Variants in CLCN2 observed in about 807,000 individuals in gnomAD.
The protein encoded by CLCN2 is chloride channel protein 2.
In CLCN2, 72 loss-of-function variants were observed where a neutral mutation model predicts 108.3. The observed-to-expected ratio is 0.66, with a 90% CI of 0.55 to 0.81. The LOEUF (loss-of-function observed/expected upper bound fraction) is 0.81. Among genes scored for constraint, CLCN2 ranks in the 30% least tolerant of loss-of-function variants. CLCN2 has a pLI of 0.00. For synonymous variants in CLCN2, 471 were observed against 467.1 expected, an observed-to-expected ratio of 1.01 and a Z score of -0.11; for missense variants, 1,048 against 1,205.2, an observed-to-expected ratio of 0.87 and a Z score of 1.93.
chr3:184,358,352 A>G, intron 3 of CLCN2, 42 bp from the exon 4 acceptor site: 1 of 1,612,180 alleles, frequency 6.2e-7, no homozygotes, highest in Non-Finnish European at 8.5e-7. Context: ...GCACACACCC[A>G]CTGCCTGCCT....
intron 15 of CLCN2, 113 bp downstream of exon 15, chr3:184,353,988 G>T (rs1728334804): frequency 7.4e-7 from 1 of 1,359,420 alleles, no homozygotes; most frequent in Non-Finnish European, 1.0e-6. Flanking sequence ...GGACGAAGGT[G>T]GCTCATCTCC....
In CLCN2 at chr3:184,353,710, C is replaced by A; in HGVS notation, c.1807G>T (p.Ala603Ser). The stretch of plus-strand genomic sequence containing the variant: ...ATTCGGCCCTTGGTCCTGTGCAGTG[C>A]CAAACGCAGGTCCCGGAAGGTGCAG... ...LSCTFRDLRL[A>S]LHRTKGRMLA... Residue 603 changes from alanine to serine, a missense_variant, in exon 16 of 24, where the codon GCA becomes TCA. Transcript: ENST00000265593. 1 of 1,611,112 alleles carries A rather than the reference C, an allele frequency of 6.2e-7. No individual in the cohort carries two copies. The highest frequency in any genetic ancestry group is 1.7e-5 in the Admixed American group (1 of 59,724).
chr3:184,359,115 G>T lies in CLCN2; in HGVS notation c.80C>A (p.Thr27Asn). Residue 27 changes from threonine (T) to asparagine (N), a missense_variant, in exon 2 of 24, where the codon ACT (threonine) becomes AAT (asparagine). Thr to Asn is a moderately conservative substitution (Grantham distance 65). Coordinates refer to ENST00000265593, the MANE Select transcript of CLCN2 (RefSeq NM_004366.6). Reference sequence around the variant, plus strand: ...TTTGGCAAAGGCCCCAAGGTCCTGAGTGTACCGGCCATACATCTGGAGCAA... The same window carrying T: ...TTTGGCAAAGGCCCCAAGGTCCTGATTGTACCGGCCATACATCTGGAGCAA... ...YEQTLMYGRY[T>N]QDLGAFAKEE... 1 of 1,613,762 alleles carries T rather than the reference G, an allele frequency of 6.2e-7. No individual in the cohort carries two copies.
chr3:184,356,225 G>A (rs1728534392), intron 10 of CLCN2: 1 of 254,568 alleles, frequency 3.9e-6, no homozygotes, highest in Non-Finnish European at 7.7e-6. Context: ...GAGGTGCGTA[G>A]GGAGCAGGTT....
At position 184,346,598 on chromosome 3, in the gene CLCN2, C is replaced by T. The variant is rs370458243; in HGVS notation, c.*8G>A. The T allele has an allele frequency of 2.3e-4, 367 of 1,613,706 alleles. No homozygotes were observed. The highest frequency in any genetic ancestry group is 2.8e-4 in the Non-Finnish European group (333 of 1,180,016). ...GGCTAGCACCATCCTAGGCCACCCA[C>T]GAGGGGCTCATTGGCATTTGTCGTC... On this transcript the variant is annotated 3_prime_UTR_variant, in exon 24 of 24. Transcript: ENST00000265593. This position sits in a 1 kb window ranked among gnomAD's most constrained non-coding sequence, Gnocchi z 6.0.
chr3:184,353,260 A>T lies in CLCN2; in HGVS notation c.2018T>A (p.Val673Asp). 1 of 1,614,032 alleles carries T rather than the reference A, an allele frequency of 6.2e-7. No homozygotes were observed. Among genetic ancestry groups the T allele is most frequent in the South Asian group, 1.1e-5 (1 of 91,086 alleles). Residue 673 changes from valine to aspartate, a missense_variant, in exon 17 of 24, where the codon GTC becomes GAC. By Grantham distance (152) the Val-to-Asp change is radical. Transcript: ENST00000265593. The stretch of plus-strand genomic sequence containing the variant: ...GGCTTTTCCCCTCACCTGGAAGCAG[A>T]CAGAAGCCTCAGGGGTAGGGGGACC... Reference protein sequence around the residue: ...QEGPPTPEASVCFQVNTEDSA... With the variant: ...QEGPPTPEASDCFQVNTEDSA...
intron 22 of CLCN2, among the ~76,000 whole-genome samples, chr3:184,350,314 T>C (rs1305392949): frequency 6.6e-6 from 1 of 152,192 alleles, no homozygotes; most frequent in Admixed American, 6.5e-5. Context: ...GGCCTGACTC[T>C]GCTGTGCTGA....
At chr3:184,354,696 A>C in intron 13 of CLCN2, 38 bp from the exon 14 acceptor site, 5 of 758,984 alleles carry the variant, frequency 6.6e-6, no homozygotes, top group African/African-American at 4.2e-5. Flanking sequence ...GAGGCAGTGG[A>C]GGGGGAGGGC....
chr3:184,354,623 C>T lies in CLCN2; in HGVS notation c.1432G>A (p.Ala478Thr). The T allele has an allele frequency of 6.2e-7, 1 of 1,612,294 alleles. No homozygotes were observed. Among genetic ancestry groups the T allele is most frequent in the Non-Finnish European group, 8.5e-7 (1 of 1,179,864 alleles). ...AFGRLVGESMAAWFPDGIHTD... is the reference protein window; with the variant it reads ...AFGRLVGESMTAWFPDGIHTD... Reference sequence around the variant, plus strand: ...TGAATTCCATCTGGGAACCAGGCAGCCATGCTTTCACCCACCAGACGCCCA... The same window carrying T: ...TGAATTCCATCTGGGAACCAGGCAGTCATGCTTTCACCCACCAGACGCCCA... The change falls in exon 14 of 24, where the codon GCT becomes ACT. Residue 478 changes from alanine to threonine, a missense_variant. Coordinates refer to ENST00000265593, the MANE Select transcript of CLCN2 (RefSeq NM_004366.6).
At position 184,352,650 on chromosome 3, in the gene CLCN2, G is replaced by A. The variant is rs183787866; in HGVS notation, c.2217+87C>T. 787 of 1,493,536 alleles carry A rather than the reference G, an allele frequency of 5.3e-4. 2 individuals carry two copies. The highest frequency in any genetic ancestry group is 6.8e-4 in the Non-Finnish European group (731 of 1,075,470). The allele number at this position is 1,493,536 out of a possible 1,614,324, so 92.5% of individuals were successfully genotyped here. On this transcript the variant is annotated intron_variant, in intron 19 of 23. Transcript: ENST00000265593. ...CCGAAGGGCAGGGAGAATAGAGGCA[G>A]GCACTGCAGGGTTAATGACGTGGTC...
At position 184,346,427 on chromosome 3, in the gene CLCN2, A is replaced by C; in HGVS notation, c.*179T>G. 4 of 686,088 alleles carry C rather than the reference A, an allele frequency of 5.8e-6. No homozygotes were observed. The highest frequency in any genetic ancestry group is 7.7e-6 in the Non-Finnish European group (3 of 391,916). The allele number at this position is 686,088 out of a possible 1,614,324, so 42.5% of individuals were successfully genotyped here. ...TCTGGAAGACTTGTTGCAGGTGGGT[A>C]GTGGGTCAGATTCCAGGTAGGATGA... On this transcript the variant is annotated 3_prime_UTR_variant, in exon 24 of 24. Coordinates refer to ENST00000265593, the MANE Select transcript of CLCN2 (RefSeq NM_004366.6). This position sits in a 1 kb window ranked among gnomAD's most constrained non-coding sequence, Gnocchi z 6.0.
chr3:184,346,279 A>G lies in CLCN2; in HGVS notation c.*327T>C, dbSNP rs1727660323. The G allele has an allele frequency of 2.4e-6, 1 of 417,206 alleles. No homozygotes were observed. 25.8% of individuals were successfully genotyped at this position (417,206 alleles called of 1,614,324 possible). On this transcript the variant is annotated 3_prime_UTR_variant, in exon 24 of 24. Coordinates refer to ENST00000265593, the MANE Select transcript of CLCN2 (RefSeq NM_004366.6). This position sits in a 1 kb window ranked among gnomAD's most constrained non-coding sequence, Gnocchi z 6.0. Reference sequence around the variant, plus strand: ...TAAAAATCTTTGTAAATCTCTATATACATCTGGTCATTGGAGGTTCCAGTT... The same window carrying G: ...TAAAAATCTTTGTAAATCTCTATATGCATCTGGTCATTGGAGGTTCCAGTT...
Position 184,358,326 on chromosome 3 carries a change from C to T in CLCN2, c.353-16G>A. On this transcript the variant is annotated splice_polypyrimidine_tract_variant and intron_variant, in intron 3 of 23. Coordinates refer to ENST00000265593, the MANE Select transcript of CLCN2 (RefSeq NM_004366.6). Reference sequence around the variant, plus strand: ...CACTGCTGGGCTGTGGGAAGAGGACCTGCTGGACCCCCAGTGCACACACCC... The same window carrying T: ...CACTGCTGGGCTGTGGGAAGAGGACTTGCTGGACCCCCAGTGCACACACCC... The T allele has an allele frequency of 2.5e-6, 4 of 1,613,280 alleles. No homozygotes were observed. The South Asian group carries it at 4.4e-5, about 18-fold the overall frequency.
chr3:184,354,922 T>G lies in CLCN2; in HGVS notation c.1378A>C (p.Met460Leu). The G allele has an allele frequency of 6.2e-7, 1 of 1,613,822 alleles. No individual in the cohort carries two copies. Reference protein sequence around the residue: ...TTIPVPCGAFMPVFVIGAAFG... With the variant: ...TTIPVPCGAFLPVFVIGAAFG... ...AACTCACCAATGACAAAGACAGGCA[T>G]GAAGGCCCCACAGGGAACTGGGATG... is the stretch of plus-strand genomic sequence containing the variant. Residue 460 changes from methionine to leucine, a missense_variant, in exon 13 of 24, where the codon ATG becomes CTG. Transcript: ENST00000265593.
chr3:184,352,528 TGAG>T, intron 19 of CLCN2, 32 bp from the exon 20 acceptor site: 1 of 1,606,334 alleles, frequency 6.2e-7, no homozygotes, highest in Non-Finnish European at 8.5e-7. Flanking sequence ...ACCAGAAAGA[TGAG>T]GAGTTGAGGT....
chr3:184,357,363 T>C lies in CLCN2; in HGVS notation c.897A>G (p.Glu299=). The part of the protein sequence containing the change: ...FRVLAVWNRD[E]ETITALFKTR... ...CCCTCATCCCCTGGGTGCCCCCACC[T>C]TCATCCCGGTTCCAGACTGCCAAGA... The change falls in exon 8 of 24, where the codon GAA becomes GAG. Residue 299 remains glutamate, a splice_region_variant and synonymous_variant. Coordinates refer to ENST00000265593, the MANE Select transcript of CLCN2 (RefSeq NM_004366.6). The C allele has an allele frequency of 1.2e-6, 2 of 1,614,050 alleles. No individual in the cohort carries two copies. Among genetic ancestry groups the C allele is most frequent in the Non-Finnish European group, 1.7e-6 (2 of 1,180,012 alleles).
At chr3:184,354,380 C>T in intron 14 of CLCN2, 66 bp from the exon 15 acceptor site, 1 of 1,539,618 alleles carries the variant, frequency 6.5e-7, no homozygotes, top group Non-Finnish European at 8.9e-7. Context: ...ACAACCAGGG[C>T]AGGTCCTGAG....
intron 13 of CLCN2, 40 bp from the exon 14 acceptor site, chr3:184,354,698 G>A: frequency 6.9e-7 from 1 of 1,450,802 alleles, no homozygotes; most frequent in Non-Finnish European, 9.7e-7. Flanking sequence ...GGCAGTGGAG[G>A]GGGAGGGCAG....
chr3:184,352,396 C>T (rs774777586), intron 20 of CLCN2, 47 bp downstream of exon 20: 13 of 1,612,952 alleles, frequency 8.1e-6, no homozygotes, highest in South Asian at 1.1e-5. Context: ...AGACCCTGCC[C>T]TCCCTGCCCG....
Sources: gnomAD v4.1 joint callset for allele counts (sites outside exome capture counted in the v4.1 genomes callset) on GRCh38, gnomAD v4.1.1 for gene constraint, Gnocchi (gnomAD v3.1) non-coding constraint, MANE v1.5 for transcripts, NCBI Gene and HGNC (gene_info 2026-07-23, HGNC 2026-07-21) for gene names.